TMEM62: variants seen among roughly 807,000 people sequenced by gnomAD.
TMEM62 encodes transmembrane protein 62.
TMEM62 carries 41 observed loss-of-function variants against 70.4 expected under a neutral mutation model. That is an observed-to-expected ratio of 0.58 (90% CI 0.45 to 0.76). The LOEUF (loss-of-function observed/expected upper bound fraction) is 0.76, where lower values mean the gene tolerates loss of function less well. TMEM62 is among the 30% of genes least tolerant of loss of function. TMEM62 has a pLI of 0.00. For missense variants in TMEM62, 688 were observed against 788.5 expected (o/e 0.87, Z 1.53); for synonymous variants, 268 against 291.0 (o/e 0.92, Z 0.80).
At position 43,181,313 on chromosome 15, in the gene TMEM62, A is replaced by G; in HGVS notation, c.1605+14A>G. 6.5e-7 allele frequency: 1 copy of G among 1,539,642 alleles called. No individual in the cohort carries two copies. Among genetic ancestry groups the G allele is most frequent in the Non-Finnish European group, 9.0e-7 (1 of 1,112,954 alleles). Reference sequence around the variant, plus strand: ...GGAATTCTCCAGGTAAGAAGTCAGAAAAGCAATTTAAGAACATCTTGGACT... The same window carrying G: ...GGAATTCTCCAGGTAAGAAGTCAGAGAAGCAATTTAAGAACATCTTGGACT... On this transcript the variant is annotated intron_variant, in intron 13 of 13. Transcript: ENST00000260403.
chr15:43,139,795 G>C (rs1419438891), intron 4 of TMEM62, among the ~76,000 whole-genome samples: 3 of 152,328 alleles, frequency 2.0e-5, no homozygotes, highest in African/African-American at 7.2e-5. Context: ...AGCTGGCAGA[G>C]TTTGGTTCAT....
At chr15:43,134,934 G>A (rs1395339768) in intron 2 of TMEM62, among the ~76,000 whole-genome samples, 3 of 152,116 alleles carry the variant, frequency 2.0e-5, no homozygotes, top group Non-Finnish European at 2.9e-5. Context: ...TTGCTTACTG[G>A]GGAATTCATC....
In TMEM62 at chr15:43,184,500, C is replaced by A; in HGVS notation, c.1846C>A (p.Pro616Thr). 1 of 1,613,968 alleles carries A rather than the reference C, an allele frequency of 6.2e-7. No individual in the cohort carries two copies. The highest frequency in any genetic ancestry group is 8.5e-7 in the Non-Finnish European group (1 of 1,180,040). Residue 616 changes from proline (P) to threonine (T), a missense_variant, in exon 14 of 14, where the codon CCT becomes ACT. Transcript: ENST00000260403. ...PLRTWLTLLT[P>T]VLIRYVWTLN... is the part of the protein sequence containing the mutation. ...GCGGACCTGGTTGACACTGCTGACA[C>A]CTGTTCTCATTCGTTATGTGTGGAC... is the stretch of plus-strand genomic sequence containing the variant.
At chr15:43,147,485 A>C (rs2036820623) in intron 5 of TMEM62, among the ~76,000 whole-genome samples, 1 of 152,220 alleles carries the variant, frequency 6.6e-6, no homozygotes, top group South Asian at 2.1e-4. Context: ...TACAAAAGTG[A>C]TAAGATCAAG....
At chr15:43,157,863 T>C (rs1186480852) in intron 9 of TMEM62, among the ~76,000 whole-genome samples, 1 of 152,240 alleles carries the variant, frequency 6.6e-6, no homozygotes, top group Non-Finnish European at 1.5e-5. Context: ...GGCAGATAGA[T>C]AGATAAATAG....
Position 43,148,811 on chromosome 15 carries a change from A to C in TMEM62, c.675A>C (p.Thr225=). ...LAKESSRSNH[T]IWFGHFTTST... ...AGGAAAGCAGTCGGAGCAACCATAC[A>C]ATTTGGTTTGGACACTTTACAACAT... Residue 225 remains threonine, a synonymous_variant, in exon 6 of 14, where the codon ACA becomes ACC. Coordinates refer to ENST00000260403, the MANE Select transcript of TMEM62 (RefSeq NM_024956.4). 1.2e-6 allele frequency: 2 copies of C among 1,614,060 alleles called. No homozygotes were observed. The highest frequency in any genetic ancestry group is 1.7e-6 in the Non-Finnish European group (2 of 1,179,980).
rs1446632386 is a variant in TMEM62, at chr15:43,184,512, CGT to C, written c.1859_1860del (p.Arg620LeufsTer61). Reference protein sequence around the residue: ...WLTLLTPVLIRYVWTLNSTKF... With the variant: ...WLTLLTPVLIXYVWTLNSTKF... ...GACACTGCTGACACCTGTTCTCATT[CGT>C]TATGTGTGGACACTGAACTCCACCA... On this transcript the variant is annotated frameshift_variant, in exon 14 of 14. Coordinates refer to ENST00000260403, the MANE Select transcript of TMEM62 (RefSeq NM_024956.4). LOFTEE classifies it high-confidence loss of function. 3 of 1,613,694 alleles carry C rather than the reference CGT, an allele frequency of 1.9e-6. No homozygotes were observed.
chr15:43,174,980 G>C (rs918707737), intron 11 of TMEM62, among the ~76,000 whole-genome samples: 1 of 152,136 alleles, frequency 6.6e-6, no homozygotes, highest in Non-Finnish European at 1.5e-5. Context: ...TAGAATCACT[G>C]GGTTGCTGCC....
chr15:43,153,475 A>G (rs1447988769), intron 8 of TMEM62, among the ~76,000 whole-genome samples: 2 of 152,126 alleles, frequency 1.3e-5, no homozygotes, highest in Admixed American at 6.6e-5. Flanking sequence ...GCAACCACCA[A>G]TCTACTTTCT....
Position 43,133,872 on chromosome 15 carries a change from GAGC to G in TMEM62, c.72_74del (p.Glu24_His25delinsAsp). 1 of 1,498,516 alleles carries G rather than the reference GAGC, an allele frequency of 6.7e-7. No homozygotes were observed. Among genetic ancestry groups the G allele is most frequent in the Non-Finnish European group, 8.8e-7 (1 of 1,132,238 alleles). The allele number at this position is 1,498,516 out of a possible 1,614,324, so 92.8% of individuals were successfully genotyped here. A position where few individuals can be genotyped will look rare whatever the true frequency, so the allele number is the denominator to read the frequency against. On this transcript the variant is annotated inframe_deletion, in exon 1 of 14. Transcript: ENST00000260403. ...CGCAGCGCTGGTGGCCATGCTCTTG[GAGC>G]ACTACGGCCTGGCGGGCCAGCCCTC... is the stretch of plus-strand genomic sequence containing the variant.
intron 11 of TMEM62, among the ~76,000 whole-genome samples, chr15:43,174,295 C>A (rs745817391): frequency 2.2e-4 from 33 of 152,234 alleles, no homozygotes; most frequent in Admixed American, 1.8e-3. Context: ...TGGATGAAAT[C>A]CCTGGGATTA....
chr15:43,178,449 A>G (rs1208786361), intron 11 of TMEM62, among the ~76,000 whole-genome samples, 158 bp from the exon 12 acceptor site: 1 of 152,210 alleles, frequency 6.6e-6, no homozygotes, highest in Non-Finnish European at 1.5e-5. Flanking sequence ...GATTCCTGCC[A>G]AATTCTGAAT....
intron 9 of TMEM62, among the ~76,000 whole-genome samples, chr15:43,159,120 A>G (rs2038379514): frequency 1.3e-5 from 2 of 152,162 alleles, no homozygotes; most frequent in African/African-American, 4.8e-5. Flanking sequence ...TTGTGAGTAC[A>G]TAGTAGGTGT....
At chr15:43,169,262 G>C (rs990150358) in intron 10 of TMEM62, 25 of 202,472 alleles carry the variant, frequency 1.2e-4, no homozygotes, top group African/African-American at 5.8e-4. Flanking sequence ...TTGCTGGAAG[G>C]TTCTATTTGG....
intron 4 of TMEM62, among the ~76,000 whole-genome samples, chr15:43,145,560 T>A (rs1186607513): frequency 6.6e-6 from 1 of 152,170 alleles, no homozygotes; most frequent in African/African-American, 2.4e-5. Context: ...TAATTGACAT[T>A]GTTTAAATTG....
Position 43,153,658 on chromosome 15 carries a change from TTGTGTGTGTG to T in TMEM62, c.1023-994_1023-985del, listed in dbSNP as rs71431882. Among the ~76,000 whole-genome samples the T allele has an allele frequency of 4.2e-3, 625 of 149,796 alleles. 2 individuals are homozygous for T. The highest frequency in any genetic ancestry group is 0.014 in the African/African-American group (563 of 40,704). ...AGGCTGAATAATGTTCCATTGTACA[TTGTGTGTGTG>T]TGTGTGTGTGTGTGTGTGTATATAC... On this transcript the variant is annotated intron_variant, in intron 8 of 13. Coordinates refer to ENST00000260403, the MANE Select transcript of TMEM62 (RefSeq NM_024956.4).
intron 9 of TMEM62, among the ~76,000 whole-genome samples, chr15:43,157,447 G>T (rs2038176865): frequency 6.6e-6 from 1 of 151,992 alleles, no homozygotes; most frequent in African/African-American, 2.4e-5. Flanking sequence ...CTAGATTCCT[G>T]CTTTAAAACA....
At chr15:43,169,741 T>C in intron 11 of TMEM62, 64 bp downstream of exon 11, 1 of 1,390,098 alleles carries the variant, frequency 7.2e-7, no homozygotes, top group Non-Finnish European at 1.0e-6. Context: ...CTCCGTAAAA[T>C]ATTTTAAAGA....
Position 43,185,129 on chromosome 15 carries a change from A to G in TMEM62, c.*543A>G. ...TTTCAACTAATCAAATAAATGAATGAATGATGAATAAGAAAGACGGTGAGC... is the reference window on the plus strand; with the variant it reads ...TTTCAACTAATCAAATAAATGAATGGATGATGAATAAGAAAGACGGTGAGC... On this transcript the variant is annotated 3_prime_UTR_variant, in exon 14 of 14. Coordinates refer to ENST00000260403, the MANE Select transcript of TMEM62 (RefSeq NM_024956.4). 1 of 332,978 alleles carries G rather than the reference A, an allele frequency of 3.0e-6. No individual in the cohort carries two copies. The highest frequency in any genetic ancestry group is 4.6e-5 in the Admixed American group (1 of 21,610). 20.6% of individuals were successfully genotyped at this position (332,978 alleles called of 1,614,324 possible). A position where few individuals can be genotyped will look rare whatever the true frequency, so the allele number is the denominator to read the frequency against.
Sources: gnomAD v4.1 joint callset for allele counts (sites outside exome capture counted in the v4.1 genomes callset) on GRCh38, gnomAD v4.1.1 for gene constraint, MANE v1.5 for transcripts, NCBI Gene and HGNC (gene_info 2026-07-23, HGNC 2026-07-21) for gene names.